The following CGGBP1 variants were observed in gnomAD, a reference collection of about 807,000 sequenced individuals.
CGGBP1 encodes the protein CGG triplet repeat-binding protein 1.
Under a neutral mutation model 11.4 loss-of-function variants are expected in CGGBP1, and 4 were observed. That is an observed-to-expected ratio of 0.35 (90% CI 0.17 to 0.80). The LOEUF (loss-of-function observed/expected upper bound fraction) is 0.80, where lower values mean the gene tolerates loss of function less well. CGGBP1 is among the 30% of genes least tolerant of loss of function. The probability of loss-of-function intolerance (pLI) is 0.52; values close to 1 mark genes in which losing one functional copy is unlikely to be tolerated. For missense variants in CGGBP1, 135 were observed against 202.1 expected (o/e 0.67, Z 2.01); for synonymous variants, 76 against 74.1 (o/e 1.03, Z -0.13).
At chr3:88,082,357 C>T (rs1340884589) in intron 2 of CGGBP1, among the ~76,000 whole-genome samples, 1 of 152,174 alleles carries the variant, frequency 6.6e-6, no homozygotes, top group East Asian at 1.9e-4. Context: ...GATCTCTTGA[C>T]CTTGTGATCT....
chr3:88,076,624 C>T (rs879492578), intron 2 of CGGBP1, among the ~76,000 whole-genome samples: 4 of 152,112 alleles, frequency 2.6e-5, no homozygotes, highest in Non-Finnish European at 5.9e-5. Context: ...ACCGAGCATA[C>T]CTCATCCTAG....
intron 2 of CGGBP1, chr3:88,095,921 C>T: frequency 2.7e-6 from 1 of 375,406 alleles, no homozygotes; most frequent in East Asian, 8.4e-5. Flanking sequence ...CAGTCTACTC[C>T]TCTTCATTCT....
At chr3:88,124,336 T>G (rs1226689460) in intron 2 of CGGBP1, among the ~76,000 whole-genome samples, 2 of 152,224 alleles carry the variant, frequency 1.3e-5, no homozygotes, top group East Asian at 3.8e-4. Context: ...TTTTGTTTGC[T>G]TGATTGCTTA....
intron 1 of CGGBP1, among the ~76,000 whole-genome samples, chr3:88,144,989 C>T (rs1707283288): frequency 1.3e-5 from 2 of 152,048 alleles, no homozygotes; most frequent in African/African-American, 4.8e-5. Context: ...GGTGTCGGAA[C>T]TCTCCGAAGT....
chr3:88,059,654 T>A, upstream of CGGBP1: 35 of 541,266 alleles, frequency 6.5e-5, no homozygotes, highest in Middle Eastern at 4.9e-4. Flanking sequence ...CCTCCACTTA[T>A]CCGGCTTGGG....
chr3:88,080,878 A>G (rs879618297), intron 2 of CGGBP1, among the ~76,000 whole-genome samples: 1 of 152,226 alleles, frequency 6.6e-6, no homozygotes, highest in Non-Finnish European at 1.5e-5. Flanking sequence ...CAGTACAGCT[A>G]TCAAGAACAG....
In CGGBP1 at chr3:88,145,592, C is replaced by G. The variant is rs150249600; in HGVS notation, c.-338+4119G>C. 4.7e-3 allele frequency among the ~76,000 whole-genome samples: 715 copies of G among 152,096 alleles called. 3 individuals are homozygous for G. The highest frequency in any genetic ancestry group is 0.017 in the African/African-American group (690 of 41,524). ...AAGCAACTACTACTAAATAGGCTTC[C>G]AAGATAACCAAATTAAGCTGATTTT... On this transcript the variant is annotated intron_variant, in intron 1 of 3. Transcript: ENST00000462901.
intron 2 of CGGBP1, chr3:88,126,231 A>G (rs1416375011): frequency 1.3e-6 from 2 of 1,529,766 alleles, no homozygotes; most frequent in East Asian, 2.4e-5. Context: ...CCAGTGTTGC[A>G]AGCTGTCCTT....
chr3:88,125,114 C>A (rs1488025324), intron 2 of CGGBP1, among the ~76,000 whole-genome samples: 1 of 151,536 alleles, frequency 6.6e-6, no homozygotes, highest in East Asian at 1.9e-4. Context: ...ACTTGGGAGG[C>A]TGAGGCAGGA....
chr3:88,096,060 C>T, intron 2 of CGGBP1: 1 of 180,898 alleles, frequency 5.5e-6, no homozygotes, highest in Non-Finnish European at 1.1e-5. Flanking sequence ...GTAGTGGCCT[C>T]CCCTCCTGGG....
At chr3:88,084,526 A>G (rs888996976) in intron 2 of CGGBP1, among the ~76,000 whole-genome samples, 5 of 152,194 alleles carry the variant, frequency 3.3e-5, no homozygotes, top group Admixed American at 2.0e-4. Context: ...AGCTAGTGAG[A>G]ACTGCAAGAG....
rs1706521269 is a variant in CGGBP1, at chr3:88,055,515, T to C, written c.462A>G (p.Gly154=). The C allele has an allele frequency of 1.3e-6, 2 of 1,541,602 alleles. No homozygotes were observed. The highest frequency in any genetic ancestry group is 2.3e-5 in the East Asian group (1 of 44,066). The change falls in exon 4 of 4, where the codon GGA becomes GGG. Residue 154 remains glycine, a synonymous_variant. Transcript: ENST00000482016. The surrounding 1 kb of genome is among the most constrained non-coding windows in gnomAD (Gnocchi z 4.2). ...DQLRRAYLPD[G]YENENQLLNS... The stretch of plus-strand genomic sequence containing the variant: ...TGAGGAGTTGATTCTCATTCTCATA[T>C]CCATCAGGAAGATATGCCCTCCGTA...
At chr3:88,097,180 T>C (rs55936434) in intron 2 of CGGBP1, among the ~76,000 whole-genome samples, 2 of 152,008 alleles carry the variant, frequency 1.3e-5, no homozygotes, top group African/African-American at 4.8e-5. Context: ...CTTAGATGTA[T>C]CCTAGGAGTA....
chr3:88,122,260 G>T (rs1328658324), intron 2 of CGGBP1, among the ~76,000 whole-genome samples: 1 of 152,162 alleles, frequency 6.6e-6, no homozygotes, highest in African/African-American at 2.4e-5. Flanking sequence ...GGGAGATGTG[G>T]AAGAGACCAG....
At position 88,077,364 on chromosome 3, in the gene CGGBP1, C is replaced by T. The variant is rs1376670450; in HGVS notation, c.-228-19141G>A. Among the ~76,000 whole-genome samples, 187 of 145,966 alleles carry T rather than the reference C, an allele frequency of 1.3e-3. 1 individual carries two copies. Among genetic ancestry groups the T allele is most frequent in the African/African-American group, 4.6e-3 (179 of 39,216 alleles). ...TTTTTTTTTTTTTGAGACGGAGTCTCGCTCTGTTGCCCAGGCTGGAGTACA... is the reference window on the plus strand; with the variant it reads ...TTTTTTTTTTTTTGAGACGGAGTCTTGCTCTGTTGCCCAGGCTGGAGTACA... On this transcript the variant is annotated intron_variant, in intron 2 of 3. Transcript: ENST00000462901.
upstream of CGGBP1, among the ~76,000 whole-genome samples, chr3:88,061,619 A>G (rs191217084): frequency 6.6e-6 from 1 of 152,298 alleles, no homozygotes; most frequent in Admixed American, 6.5e-5. Flanking sequence ...AAGCTTTTAG[A>G]TGGAATAAAA....
At chr3:88,148,449 C>T (rs188365927) in intron 1 of CGGBP1, among the ~76,000 whole-genome samples, 45 of 152,282 alleles carry the variant, frequency 3.0e-4, no homozygotes, top group African/African-American at 1.1e-3. Flanking sequence ...CCAAAAGCTC[C>T]TTGAAGAAAG....
chr3:88,070,569 T>G lies in CGGBP1; in HGVS notation c.-228-12346A>C, dbSNP rs1269868968. On this transcript the variant is annotated intron_variant, in intron 2 of 3. Transcript: ENST00000462901. ...GGCAAAGGCAACACTGCCTGTTTTT[T>G]TTTTTTTTTTTTTTTTTTTTGCAGA... Among the ~76,000 whole-genome samples the G allele has an allele frequency of 0.013, 270 of 21,140 alleles. 5 individuals carry two copies. The East Asian group carries it at 0.4, about 31-fold the overall frequency. 13.9% of individuals were successfully genotyped at this position (21,140 alleles called of 152,430 possible). A position where few individuals can be genotyped will look rare whatever the true frequency, so the allele number is the denominator to read the frequency against.
chr3:88,073,377 G>A (rs779221379), intron 2 of CGGBP1, among the ~76,000 whole-genome samples: 4 of 152,118 alleles, frequency 2.6e-5, no homozygotes, highest in Admixed American at 6.6e-5. Context: ...AATTCTGTGG[G>A]ATAATACAGC....
Sources: allele counts gnomAD v4.1 joint callset (sites outside exome capture counted in the v4.1 genomes callset), GRCh38; gene constraint gnomAD v4.1.1; non-coding constraint Gnocchi (gnomAD v3.1); transcripts MANE v1.5; gene names NCBI Gene and HGNC (gene_info 2026-07-23, HGNC 2026-07-21).